The following NCKAP5 variants were observed in gnomAD, a reference collection of about 807,000 sequenced individuals.
NCKAP5 encodes nck-associated protein 5.
A neutral mutation model predicts 167.0 loss-of-function variants in NCKAP5; 92 were observed. The ratio of observed to expected loss-of-function variants is 0.55; its 90% CI spans 0.47 to 0.66. The LOEUF (loss-of-function observed/expected upper bound fraction) is 0.66. Among genes scored for constraint, NCKAP5 ranks in the 30% least tolerant of loss-of-function variants. NCKAP5 has a pLI of 0.00. For synonymous variants in NCKAP5, 891 were observed against 877.4 expected, an observed-to-expected ratio of 1.02 and a Z score of -0.27; for missense variants, 2,378 against 2,315.0, an observed-to-expected ratio of 1.03 and a Z score of -0.56.
At chr2:133,150,346 A>G (rs561573791) in intron 5 of NCKAP5, among the ~76,000 whole-genome samples, 2 of 152,252 alleles carry the variant, frequency 1.3e-5, no homozygotes, top group South Asian at 4.1e-4. Flanking sequence ...AGCAAAGTGT[A>G]TCTAGGGTCC....
At chr2:133,387,994 T>G (rs1394043497) in intron 3 of NCKAP5, among the ~76,000 whole-genome samples, 1 of 152,216 alleles carries the variant, frequency 6.6e-6, no homozygotes, top group Non-Finnish European at 1.5e-5. Flanking sequence ...TCGATCTTCC[T>G]CCTTTAGCTC....
Position 132,775,280 on chromosome 2 carries a change from T to C in NCKAP5, c.5050-1386A>G, listed in dbSNP as rs527377528. ...TCTACTTTTTGCCTCCTATTTTTCA[T>C]ACTTAATGGAATAAGACCAATTATT... On this transcript the variant is annotated intron_variant, in intron 15 of 19. Transcript: ENST00000409261. Among the ~76,000 whole-genome samples the C allele has an allele frequency of 1.1e-4, 16 of 152,370 alleles. No homozygotes were observed. The Middle Eastern group carries it at 0.01, about 97-fold the overall frequency.
At chr2:133,470,037 T>TGGG (rs1692927822) in intron 3 of NCKAP5, among the ~76,000 whole-genome samples, 1 of 152,196 alleles carries the variant, frequency 6.6e-6, no homozygotes, top group African/African-American at 2.4e-5. Flanking sequence ...CATCCAGCTT[T>TGGG]GTTCCATTGC....
chr2:133,161,790 C>A (rs1247131879), intron 5 of NCKAP5, among the ~76,000 whole-genome samples: 1 of 152,136 alleles, frequency 6.6e-6, no homozygotes, highest in Non-Finnish European at 1.5e-5. Context: ...TCAGGCCTGT[C>A]CAAGGAAGGT....
chr2:132,869,261 A>G (rs780956775), intron 9 of NCKAP5, among the ~76,000 whole-genome samples: 19 of 152,170 alleles, frequency 1.2e-4, no homozygotes, highest in African/African-American at 4.6e-4. Flanking sequence ...ATATCCTTTC[A>G]TATACTCCAA....
chr2:133,286,295 C>G (rs1469461242), intron 4 of NCKAP5, among the ~76,000 whole-genome samples: 1 of 152,146 alleles, frequency 6.6e-6, no homozygotes, highest in African/African-American at 2.4e-5. Flanking sequence ...CACGCCCGGC[C>G]TCTTCTGTGA....
rs1387398334 is a variant in NCKAP5 at position 132,781,263 on chromosome 2, C to T, written c.4872-34G>A. 4.4e-6 allele frequency: 7 copies of T among 1,585,224 alleles called. No individual in the cohort carries two copies. In the African/African-American group the frequency reaches 9.5e-5, roughly 22 times the overall value. On this transcript the variant is annotated intron_variant, in intron 14 of 19. Coordinates refer to ENST00000409261, the MANE Select transcript of NCKAP5 (RefSeq NM_207363.3). ...AGAAAGTGATTCCTCTGATAAGTTA[C>T]CTTGCTCCTTCTTCAATCACTCTCC... is the stretch of plus-strand genomic sequence containing the variant.
At chr2:133,043,976 A>G (rs1013972787) in intron 6 of NCKAP5, among the ~76,000 whole-genome samples, 2 of 152,116 alleles carry the variant, frequency 1.3e-5, no homozygotes, top group Non-Finnish European at 2.9e-5. Context: ...GGAATATTAA[A>G]TCTCATTAAG....
chr2:132,817,943 C>A (rs541906066), intron 11 of NCKAP5, among the ~76,000 whole-genome samples: 14 of 152,172 alleles, frequency 9.2e-5, no homozygotes, highest in South Asian at 4.2e-4. Flanking sequence ...ATGTTAAATT[C>A]TTTATTTATT....
intron 4 of NCKAP5, among the ~76,000 whole-genome samples, chr2:133,292,841 T>A (rs1171683861): frequency 2.0e-5 from 3 of 152,234 alleles, no homozygotes; most frequent in Non-Finnish European, 2.9e-5. Context: ...CAATTTTATA[T>A]CTTTGTTGGT....
At chr2:133,428,331 A>C (rs567996470) in intron 3 of NCKAP5, among the ~76,000 whole-genome samples, 1 of 152,310 alleles carries the variant, frequency 6.6e-6, no homozygotes, top group African/African-American at 2.4e-5. Context: ...TATTAATAAA[A>C]TTTTGATAAA....
chr2:133,553,672 A>C (rs746001667), intron 2 of NCKAP5, among the ~76,000 whole-genome samples: 6 of 152,154 alleles, frequency 3.9e-5, no homozygotes, highest in Non-Finnish European at 8.8e-5. Context: ...CATCATCCCT[A>C]GTCACCCTGG....
intron 5 of NCKAP5, among the ~76,000 whole-genome samples, chr2:133,188,689 G>C (rs2085065414): frequency 6.6e-6 from 1 of 152,074 alleles, no homozygotes; most frequent in African/African-American, 2.4e-5. Context: ...TGACTACTGG[G>C]TACGTAATGA....
At chr2:133,086,670 A>G (rs2081003281) in intron 6 of NCKAP5, among the ~76,000 whole-genome samples, 1 of 152,074 alleles carries the variant, frequency 6.6e-6, no homozygotes, top group Non-Finnish European at 1.5e-5. Context: ...AAAATTTCTG[A>G]TCCATTAACA....
rs528020899 is a variant in NCKAP5, at chr2:132,715,375, C to A, written c.5713+10252G>T. On this transcript the variant is annotated intron_variant, in intron 19 of 19. Transcript: ENST00000409261. ...AACCATTCAGTTGGAAGAGTTCTGG[C>A]AAGGGGCTCTTTCTAAATGTCTCTA... 1.4e-4 allele frequency among the ~76,000 whole-genome samples: 21 copies of A among 152,248 alleles called. No homozygotes were observed. In the South Asian group the frequency reaches 4.4e-3, roughly 32 times the overall value.
chr2:133,346,494 T>C (rs1263072421), intron 3 of NCKAP5, among the ~76,000 whole-genome samples: 2 of 152,210 alleles, frequency 1.3e-5, no homozygotes, highest in African/African-American at 2.4e-5. Flanking sequence ...ATTTCTGGTG[T>C]TAGCTAAGGG....
intron 8 of NCKAP5, among the ~76,000 whole-genome samples, chr2:132,954,138 T>C (rs908345692): frequency 9.8e-5 from 15 of 152,356 alleles, no homozygotes; most frequent in African/African-American, 3.4e-4. Flanking sequence ...GTTTGAGTAG[T>C]GTCTCTATGA....
intron 16 of NCKAP5, among the ~76,000 whole-genome samples, chr2:132,746,776 G>A (rs1281307342): frequency 6.6e-6 from 1 of 151,906 alleles, no homozygotes; most frequent in African/African-American, 2.4e-5. Context: ...AAATACTAAT[G>A]GGCAATAAAA....
chr2:133,352,305 T>A (rs750633298), intron 3 of NCKAP5, among the ~76,000 whole-genome samples: 15 of 152,378 alleles, frequency 9.8e-5, no homozygotes, highest in Non-Finnish European at 2.1e-4. Context: ...GATTTTTGTC[T>A]GTTCTGTCCT....
Sources: allele counts gnomAD v4.1 joint callset (sites outside exome capture counted in the v4.1 genomes callset), GRCh38; gene constraint gnomAD v4.1.1; transcripts MANE v1.5; gene names NCBI Gene and HGNC (gene_info 2026-07-23, HGNC 2026-07-21).